Variants in GGNBP2 observed in about 807,000 individuals in gnomAD.
GGNBP2 encodes gametogenetin-binding protein 2.
In GGNBP2, 10 loss-of-function variants were observed where a neutral mutation model predicts 85.9. The observed-to-expected ratio is 0.12, with a 90% CI of 0.07 to 0.20. GGNBP2 has a LOEUF of 0.20. Ranked by LOEUF, GGNBP2 falls within the 10% of genes least tolerant of loss-of-function variation. The pLI is 1.00. For synonymous variants in GGNBP2, 287 were observed against 285.7 expected (o/e 1.00, Z -0.05); for missense variants, 595 against 857.8 (o/e 0.69, Z 3.83).
intron 8 of GGNBP2, among the ~76,000 whole-genome samples, chr17:36,581,048 G>C (rs1259645688): frequency 2.0e-5 from 3 of 152,192 alleles, no homozygotes; most frequent in African/African-American, 7.2e-5. Context: ...ACTTCGGGAG[G>C]CTGAGGCGGG....
At chr17:36,564,749 C>T (rs2074452476) in intron 5 of GGNBP2, among the ~76,000 whole-genome samples, 1 of 152,068 alleles carries the variant, frequency 6.6e-6, no homozygotes. Flanking sequence ...CACTCCCCCT[C>T]CTGCTGCTAC....
chr17:36,569,465 T>C (rs1284095678), intron 6 of GGNBP2, among the ~76,000 whole-genome samples: 1 of 152,204 alleles, frequency 6.6e-6, no homozygotes, highest in Non-Finnish European at 1.5e-5. Flanking sequence ...GGGGCAGTTC[T>C]ACTGTTTAAA....
intron 2 of GGNBP2, among the ~76,000 whole-genome samples, chr17:36,549,654 T>G (rs973398632): frequency 6.6e-6 from 1 of 152,244 alleles, no homozygotes; most frequent in Non-Finnish European, 1.5e-5. Flanking sequence ...TGTCCTTATT[T>G]ATTTCACTAA....
At chr17:36,550,358 G>A (rs1408042171) in intron 2 of GGNBP2, among the ~76,000 whole-genome samples, 1 of 151,878 alleles carries the variant, frequency 6.6e-6, no homozygotes, top group Admixed American at 6.6e-5. Context: ...TGCATGTACA[G>A]CATTAATCTG....
At position 36,586,988 on chromosome 17, in the gene GGNBP2, T is replaced by G. The variant is rs370828700; in HGVS notation, c.1642-9T>G. On this transcript the variant is annotated splice_polypyrimidine_tract_variant and intron_variant, in intron 12 of 13. Transcript: ENST00000613102. ...TTTTTACCTGTGAAATCCTTTGCTG[T>G]GGTATCAGATCCAGAAGCTTGGAAG... The G allele has an allele frequency of 5.5e-5, 89 of 1,610,866 alleles. No individual in the cohort carries two copies. In the African/African-American group the frequency reaches 1.1e-3, roughly 20 times the overall value.
At chr17:36,564,163 T>G (rs1359320643) in intron 5 of GGNBP2, among the ~76,000 whole-genome samples, 2 of 152,250 alleles carry the variant, frequency 1.3e-5, no homozygotes, top group Non-Finnish European at 2.9e-5. Context: ...GAGTACAGGC[T>G]AATTTTTCAC....
intron 9 of GGNBP2, 40 bp from the exon 10 acceptor site, chr17:36,585,260 A>G (rs1239258023): frequency 1.3e-6 from 2 of 1,562,188 alleles, no homozygotes; most frequent in Non-Finnish European, 1.7e-6. Context: ...GCTGTTATGG[A>G]GTAAAGCTCT....
chr17:36,565,295 T>C (rs1025913048), intron 5 of GGNBP2, among the ~76,000 whole-genome samples: 1 of 152,172 alleles, frequency 6.6e-6, no homozygotes, highest in Non-Finnish European at 1.5e-5. Flanking sequence ...AAGGTTGTCA[T>C]GGATTAAGCT....
At chr17:36,585,153 C>G in intron 9 of GGNBP2, 147 bp from the exon 10 acceptor site, 1 of 633,394 alleles carries the variant, frequency 1.6e-6, no homozygotes, top group African/African-American at 1.9e-5. Context: ...CTTTACCCAC[C>G]ATTACTTTTG....
At chr17:36,579,209 T>G in intron 7 of GGNBP2, 36 bp from the exon 8 acceptor site, 15 of 1,574,050 alleles carry the variant, frequency 9.5e-6, no homozygotes, top group Non-Finnish European at 1.3e-5. Context: ...ACTGTTTCAG[T>G]TAAAGGTATT....
chr17:36,567,545 T>C (rs2074480359), intron 5 of GGNBP2, 118 bp from the exon 6 acceptor site: 2 of 618,248 alleles, frequency 3.2e-6, no homozygotes, highest in African/African-American at 3.7e-5. Context: ...TTTTCCATTA[T>C]GGACGTTTCC....
chr17:36,558,705 C>T (rs2074388032), intron 4 of GGNBP2, among the ~76,000 whole-genome samples: 1 of 151,646 alleles, frequency 6.6e-6, no homozygotes, highest in Non-Finnish European at 1.5e-5. Context: ...ATCTGCCCGC[C>T]TTGGACTCCC....
chr17:36,576,595 A>ATATATGTGTGTGTGTGTGTGTG (rs748348633), intron 6 of GGNBP2: 1 of 51,490 alleles, frequency 1.9e-5, no homozygotes, highest in African/African-American at 9.6e-5. Flanking sequence ...ATATATATAT[A>ATATATGTGTGTGTGTGTGTGTG]TGTGTGTGTG....
chr17:36,546,244 T>C (rs904205189), intron 2 of GGNBP2: 3 of 320,660 alleles, frequency 9.4e-6, no homozygotes, highest in Non-Finnish European at 1.1e-5. Context: ...GTTTTAATAC[T>C]GGTAGCTCTC....
Position 36,579,387 on chromosome 17 carries a change from C to G in GGNBP2, c.988C>G (p.Leu330Val). 1.2e-6 allele frequency: 2 copies of G among 1,614,186 alleles called. No homozygotes were observed. The highest frequency in any genetic ancestry group is 1.7e-6 in the Non-Finnish European group (2 of 1,180,030). Residue 330 changes from leucine (L) to valine (V), a missense_variant, in exon 8 of 14, where the codon CTT becomes GTT. Transcript: ENST00000613102. ...EEQTWQMLFY[L>V]GVDALRKSFE... ...GCAGACATGGCAGATGCTTTTCTAT[C>G]TTGGTGTTGATGCTTTACGCAAGAG... is the stretch of plus-strand genomic sequence containing the variant.
Position 36,554,352 on chromosome 17 carries a change from A to ATTTT in GGNBP2, c.94-437_94-434dup, listed in dbSNP as rs780217291. On this transcript the variant is annotated intron_variant, in intron 2 of 13. Transcript: ENST00000613102. Reference sequence around the variant, plus strand: ...ATGGAAACTTGTCTTATGTACTTGAATTTTTTTTTTTTTTTTTTTTTTTTT... The same window carrying ATTTT: ...ATGGAAACTTGTCTTATGTACTTGAATTTTTTTTTTTTTTTTTTTTTTTTTTTTT... 2.8e-3 allele frequency among the ~76,000 whole-genome samples: 123 copies of ATTTT among 44,506 alleles called. 3 individuals are homozygous for ATTTT. Among genetic ancestry groups the ATTTT allele is most frequent in the African/African-American group, 3.0e-3 (27 of 9,114 alleles). The allele number at this position is 44,506 out of a possible 152,430, so 29.2% of individuals were successfully genotyped here.
At chr17:36,562,365 C>T (rs140105464) in intron 5 of GGNBP2, among the ~76,000 whole-genome samples, 10,840 of 151,700 alleles carry the variant, frequency 0.071, 666 homozygotes, top group African/African-American at 0.16. Flanking sequence ...GACGGGGTTT[C>T]GCCATGTTGC....
chr17:36,589,155 C>T, intron 13 of GGNBP2, 53 bp from the exon 14 acceptor site: 1 of 1,294,526 alleles, frequency 7.7e-7, no homozygotes, highest in South Asian at 1.2e-5. Flanking sequence ...TCCTCCATTA[C>T]ATAACATTTT....
chr17:36,581,284 CAAAA>C (rs1269877067), intron 8 of GGNBP2, 56 bp from the exon 9 acceptor site: 12 of 1,037,206 alleles, frequency 1.2e-5, no homozygotes, highest in Non-Finnish European at 1.6e-5. Flanking sequence ...GATTCCGTCT[CAAAA>C]AAAAAAGAAA....
Sources: allele counts gnomAD v4.1 joint callset (sites outside exome capture counted in the v4.1 genomes callset), GRCh38; gene constraint gnomAD v4.1.1; transcripts MANE v1.5; gene names NCBI Gene and HGNC (gene_info 2026-07-23, HGNC 2026-07-21).